The following NLGN4X variants were observed in gnomAD, a reference collection of about 807,000 sequenced individuals.
NLGN4X encodes neuroligin 4 X-linked, also known as neuroligin-4, X-linked.
Under a neutral mutation model 40.3 loss-of-function variants are expected in NLGN4X, and 3 were observed. That is an observed-to-expected ratio of 0.07 (90% CI 0.03 to 0.19). The LOEUF (loss-of-function observed/expected upper bound fraction) is 0.19, where lower values mean the gene tolerates loss of function less well. Among genes scored for constraint, NLGN4X ranks in the 10% least tolerant of loss-of-function variants. The probability of loss-of-function intolerance (pLI) is 1.00; values close to 1 mark genes in which losing one functional copy is unlikely to be tolerated. For synonymous variants in NLGN4X, 270 were observed against 306.8 expected, an observed-to-expected ratio of 0.88 and a Z score of 1.25; for missense variants, 382 against 708.3, an observed-to-expected ratio of 0.54 and a Z score of 5.23.
At position 6,203,621 on chromosome X, in the gene NLGN4X, C is replaced by T. The variant is rs759602363; in HGVS notation, c.-306+24920G>A. ...AGAAAAGCCAGCTGTTAATGTCACA[C>T]GTCTAGCCCTAGGGAGAAGCCCATG... On this transcript the variant is annotated intron_variant, in intron 1 of 5. Transcript: ENST00000381095. Among the ~76,000 whole-genome samples the T allele has an allele frequency of 6.2e-5, 7 of 112,072 alleles. No individual in the cohort carries two copies. In the East Asian group the frequency reaches 1.7e-3, roughly 27 times the overall value.
chrX:6,005,304 A>G (rs749741943), intron 3 of NLGN4X, among the ~76,000 whole-genome samples: 1 of 111,879 alleles, frequency 8.9e-6, no homozygotes, highest in Non-Finnish European at 1.9e-5. Flanking sequence ...CAACGAATAC[A>G]TACCTTGGGC....
chrX:6,213,791 A>T (rs148314923), intron 1 of NLGN4X, among the ~76,000 whole-genome samples: 7,942 of 111,877 alleles, frequency 0.071, 255 homozygotes, highest in East Asian at 0.17. Flanking sequence ...CACCAAATGG[A>T]ATAATCAGCA....
intron 3 of NLGN4X, among the ~76,000 whole-genome samples, chrX:5,941,180 G>GGTGTGTGTGTGTGTGTGTGTGT (rs3220455): frequency 1.7e-5 from 1 of 58,625 alleles, no homozygotes; most frequent in Non-Finnish European, 3.2e-5. Flanking sequence ...TATGCTAGGG[G>GGTGTGTGTGTGTGTGTGTGTGT]GTGTGTGTGT....
At chrX:6,170,897 C>G (rs771393158) in intron 1 of NLGN4X, among the ~76,000 whole-genome samples, 1 of 111,673 alleles carries the variant, frequency 9.0e-6, no homozygotes, top group East Asian at 2.8e-4. Flanking sequence ...AGTCACAACT[C>G]ACCGCAGCCC....
chrX:6,097,252 CTTAT>C (rs199963275), intron 2 of NLGN4X, among the ~76,000 whole-genome samples: 10,958 of 92,711 alleles, frequency 0.12, 745 homozygotes, highest in African/African-American at 0.28. Context: ...TTTTTTTTTC[CTTAT>C]TTGTTTTCAT....
chrX:6,181,535 G>T (rs1602380615), intron 1 of NLGN4X, among the ~76,000 whole-genome samples: 1 of 111,597 alleles, frequency 9.0e-6, no homozygotes, highest in African/African-American at 3.3e-5. Context: ...AGAAGTCCAA[G>T]GTTAAGGGGC....
chrX:6,121,147 CAT>C lies in NLGN4X; in HGVS notation c.472+29846_472+29847del, dbSNP rs764013081. On this transcript the variant is annotated intron_variant, in intron 2 of 5. Transcript: ENST00000381095. The stretch of plus-strand genomic sequence containing the variant: ...AATTTAAAATACACACATATATATA[CAT>C]ACACACACACACACACACACACACA... 1.8e-4 allele frequency among the ~76,000 whole-genome samples: 4 copies of C among 22,328 alleles called. No individual in the cohort carries two copies. In the Admixed American group the frequency reaches 2.4e-3, roughly 13 times the overall value. 19.4% of individuals were successfully genotyped at this position (22,328 alleles called of 115,157 possible).
chrX:5,915,794 C>CA (rs1263901864), intron 3 of NLGN4X, among the ~76,000 whole-genome samples: 1 of 112,222 alleles, frequency 8.9e-6, no homozygotes, highest in East Asian at 2.8e-4. Context: ...CCTGCCTCAG[C>CA]CTCCAAAAAG....
At chrX:6,069,005 T>C in intron 2 of NLGN4X, among the ~76,000 whole-genome samples, 1 of 112,077 alleles carries the variant, frequency 8.9e-6, no homozygotes, top group Non-Finnish European at 1.9e-5. Context: ...TAAATAAAAG[T>C]GGGGCCGGGT....
intron 1 of NLGN4X, among the ~76,000 whole-genome samples, chrX:6,176,462 A>G (rs776621679): frequency 1.8e-5 from 2 of 112,523 alleles, no homozygotes; most frequent in Non-Finnish European, 3.7e-5. Context: ...GTGACCTTAC[A>G]TGGAAAAGAG....
chrX:6,052,730 AAAG>A (rs1261018348), intron 2 of NLGN4X, among the ~76,000 whole-genome samples: 6 of 112,561 alleles, frequency 5.3e-5, no homozygotes, highest in Non-Finnish European at 9.4e-5. Flanking sequence ...TATTGGGATT[AAAG>A]AATATTATGT....
intron 3 of NLGN4X, among the ~76,000 whole-genome samples, chrX:6,010,492 A>G: frequency 1.2e-5 from 1 of 82,390 alleles, no homozygotes; most frequent in Non-Finnish European, 2.6e-5. Flanking sequence ...GACAATATGA[A>G]TATCTCAAAG....
rs754650394 is a variant in NLGN4X, at chrX:5,986,712, C to T, written c.625+42568G>A. On this transcript the variant is annotated intron_variant, in intron 3 of 5. Coordinates refer to ENST00000381095, the MANE Select transcript of NLGN4X (RefSeq NM_181332.3). The stretch of plus-strand genomic sequence containing the variant: ...CACACAACCCAGTAGAAAAACAGAT[C>T]AAAAACAGACGCTTCACCAAACAGG... Among the ~76,000 whole-genome samples the T allele has an allele frequency of 4.5e-5, 5 of 111,811 alleles. No homozygotes were observed. In the East Asian group the frequency reaches 1.4e-3, roughly 32 times the overall value.
chrX:5,961,131 C>G (rs1007589144), intron 3 of NLGN4X, among the ~76,000 whole-genome samples: 1 of 111,361 alleles, frequency 9.0e-6, no homozygotes, highest in Non-Finnish European at 1.9e-5. Flanking sequence ...CGGGTTCACG[C>G]CATTCTCCTG....
intron 3 of NLGN4X, among the ~76,000 whole-genome samples, chrX:5,954,749 C>T (rs1349036725): frequency 9.1e-6 from 1 of 110,410 alleles, no homozygotes; most frequent in Non-Finnish European, 1.9e-5. Flanking sequence ...GAATCTAGCA[C>T]TTCCAGGGTC....
intron 2 of NLGN4X, among the ~76,000 whole-genome samples, chrX:6,114,327 C>A (rs2039221665): frequency 9.0e-6 from 1 of 111,244 alleles, no homozygotes; most frequent in Non-Finnish European, 1.9e-5. Flanking sequence ...TTTATTGGGA[C>A]AAATTCCAAG....
At chrX:5,925,077 C>G (rs1030692131) in intron 3 of NLGN4X, among the ~76,000 whole-genome samples, 1 of 111,574 alleles carries the variant, frequency 9.0e-6, no homozygotes, top group Non-Finnish European at 1.9e-5. Flanking sequence ...TGCTTATCAC[C>G]CAAGTTCTTT....
At chrX:5,991,365 G>T in intron 3 of NLGN4X, 1 of 490,290 alleles carries the variant, frequency 2.0e-6, no homozygotes, top group Non-Finnish European at 3.8e-6. Context: ...AAACCTCCCT[G>T]TCTAAGCCCA....
At chrX:6,090,131 G>A (rs899277174) in intron 2 of NLGN4X, among the ~76,000 whole-genome samples, 1 of 111,454 alleles carries the variant, frequency 9.0e-6, no homozygotes, top group African/African-American at 3.3e-5. Flanking sequence ...TGGGAAGTAC[G>A]CTACTAATGT....
Sources: gnomAD v4.1 joint callset for allele counts (sites outside exome capture counted in the v4.1 genomes callset) on GRCh38, gnomAD v4.1.1 for gene constraint, MANE v1.5 for transcripts, NCBI Gene and HGNC (gene_info 2026-07-23, HGNC 2026-07-21) for gene names.